USP36: variants seen among roughly 807,000 people sequenced by gnomAD.
The protein encoded by USP36 is ubiquitin specific peptidase 36.
In USP36, 59 loss-of-function variants were observed where a neutral mutation model predicts 111.5. The observed-to-expected ratio is 0.53, with a 90% confidence interval of 0.43 to 0.66. The LOEUF is 0.66. Ranked by LOEUF, USP36 falls within the 30% of genes least tolerant of loss-of-function variation. The pLI is 0.00. For synonymous variants in USP36, 628 were observed against 581.0 expected (o/e 1.08, Z -1.16); for missense variants, 1,488 against 1,468.0 (o/e 1.01, Z -0.22).
At chr17:78,802,194 G>A (rs1598978702) in intron 17 of USP36, 130 bp downstream of exon 17, 4 of 714,882 alleles carry the variant, frequency 5.6e-6, no homozygotes, top group Non-Finnish European at 5.5e-6. Flanking sequence ...ACACCCACGC[G>A]GTCCAACCCC....
intron 12 of USP36, 66 bp downstream of exon 12, chr17:78,813,707 A>G: frequency 6.9e-7 from 1 of 1,444,078 alleles, no homozygotes; most frequent in Non-Finnish European, 9.6e-7. Context: ...AAGGTTAGGG[A>G]GGCCCACCGG....
At chr17:78,840,074 C>G (rs925460689) in intron 1 of USP36, among the ~76,000 whole-genome samples, 4 of 152,312 alleles carry the variant, frequency 2.6e-5, no homozygotes, top group African/African-American at 7.2e-5. Context: ...GCCTCCCGGG[C>G]GACTCCGCAG....
rs143666818 is a variant in USP36 at position 78,807,085 on chromosome 17, C to T, written c.1959G>A (p.Thr653=). ...TCTTAGAATCTGCTCCACTTGGCGG[C>T]GTTTTGGAGTGGCCAGCGGTGGAAC... ...TNCSTAGHSK[T]PPSGADSKTV... Residue 653 remains threonine (T), a synonymous_variant, in exon 14 of 21, where the codon ACG becomes ACA. Coordinates refer to ENST00000449938, the MANE Select transcript of USP36 (RefSeq NM_001385174.1). 476 of 1,614,074 alleles carry T rather than the reference C, an allele frequency of 2.9e-4. No homozygotes were observed. The highest frequency in any genetic ancestry group is 3.8e-4 in the Non-Finnish European group (445 of 1,180,046).
chr17:78,808,411 C>T (rs563719619), intron 13 of USP36, among the ~76,000 whole-genome samples: 3 of 152,224 alleles, frequency 2.0e-5, no homozygotes, highest in South Asian at 4.2e-4. Context: ...CCACCACACC[C>T]GAATAATTAT....
At chr17:78,829,068 G>A (rs548754989) in intron 4 of USP36, 61 bp from the exon 5 acceptor site, 68 of 1,443,838 alleles carry the variant, frequency 4.7e-5, no homozygotes, top group Admixed American at 1.5e-4. Flanking sequence ...TCACGGTGAG[G>A]CCCCCACCCC....
rs774617830 is a variant in USP36, at chr17:78,803,456, C to T, written c.2739G>A (p.Arg913=). The T allele has an allele frequency of 6.2e-7, 1 of 1,614,178 alleles. No homozygotes were observed. Among genetic ancestry groups the T allele is most frequent in the South Asian group, 1.1e-5 (1 of 91,080 alleles). ...CVTDGHHASS[R]KRRRKGAEGL... ...CTTCTGCTCCTTTCCTCCTCCGCTT[C>T]CTGCTGCTCGCGTGGTGGCCGTCCG... The change falls in exon 16 of 21, where the codon AGG becomes AGA. Residue 913 remains arginine (R), a synonymous_variant. Transcript: ENST00000449938. The surrounding 1 kb of genome is among the most constrained non-coding windows in gnomAD (Gnocchi z 4.6).
Position 78,803,951 on chromosome 17 carries a change from GGAT to G in USP36, c.2241_2243del (p.Ser749del). ...GGCTGAAGGGGGGTTGCAGGCGGCT[GGAT>G]GATTGGGGAGCAGGTGACACAGCCC... On this transcript the variant is annotated inframe_deletion, in exon 16 of 21. Transcript: ENST00000449938. The surrounding 1 kb of genome is among the most constrained non-coding windows in gnomAD (Gnocchi z 4.6). The G allele has an allele frequency of 6.2e-7, 1 of 1,600,594 alleles. No homozygotes were observed. The highest frequency in any genetic ancestry group is 8.5e-7 in the Non-Finnish European group (1 of 1,176,768).
At chr17:78,814,302 C>T (rs1037396588) in intron 11 of USP36, 110 bp downstream of exon 11, 1 of 1,453,134 alleles carries the variant, frequency 6.9e-7, no homozygotes. Flanking sequence ...AATACAACCA[C>T]AAAACATCAC....
At chr17:78,824,945 G>A (rs978712970) in intron 6 of USP36, among the ~76,000 whole-genome samples, 1 of 152,170 alleles carries the variant, frequency 6.6e-6, no homozygotes, top group Non-Finnish European at 1.5e-5. Flanking sequence ...AATGCTAAAA[G>A]CAACGATCCT....
In USP36 at chr17:78,803,632, T is replaced by C; in HGVS notation, c.2563A>G (p.Thr855Ala). 6.2e-7 allele frequency: 1 copy of C among 1,611,428 alleles called. No individual in the cohort carries two copies. The highest frequency in any genetic ancestry group is 8.5e-7 in the Non-Finnish European group (1 of 1,179,186). ...KRKKKKRPEDTAASALQEGQT... is the reference protein window; with the variant it reads ...KRKKKKRPEDAAASALQEGQT... ...CCCTCCTGCAGGGCGCTGGCAGCTG[T>C]GTCCTCCGGGCGCTTCTTCTTCTTC... is the stretch of plus-strand genomic sequence containing the variant. Residue 855 changes from threonine to alanine, a missense_variant, in exon 16 of 21, where the codon ACA (threonine) becomes GCA (alanine). By Grantham distance (58) the Thr-to-Ala change is moderately conservative (BLOSUM62 0). Transcript: ENST00000449938. The surrounding 1 kb of genome is among the most constrained non-coding windows in gnomAD (Gnocchi z 4.6).
chr17:78,800,604 C>G (rs1010125171), intron 17 of USP36, among the ~76,000 whole-genome samples: 1 of 152,230 alleles, frequency 6.6e-6, no homozygotes, highest in East Asian at 1.9e-4. Context: ...TCCATGGTTC[C>G]CATCTCATCC....
Position 78,806,275 on chromosome 17 carries a change from C to G in USP36, c.2097G>C (p.Leu699=). The G allele has an allele frequency of 3.1e-6, 5 of 1,613,802 alleles. No homozygotes were observed. Among genetic ancestry groups the G allele is most frequent in the Non-Finnish European group, 3.4e-6 (4 of 1,179,988 alleles). The change falls in exon 15 of 21, where the codon CTG becomes CTC. Residue 699 remains leucine, a synonymous_variant. Coordinates refer to ENST00000449938, the MANE Select transcript of USP36 (RefSeq NM_001385174.1). ...LALSAKKAST[L]WRATGNDLRP... is the part of the protein sequence containing the mutation. ...GGAGGTCATTGCCGGTCGCCCTCCA[C>G]AGGGTGCTGGCCTGCAGTTATCGAC...
In USP36 at chr17:78,807,483, T is replaced by C. The variant is rs2093938693; in HGVS notation, c.1561A>G (p.Thr521Ala). Residue 521 changes from threonine to alanine, a missense_variant, in exon 14 of 21, where the codon ACA becomes GCA. Coordinates refer to ENST00000449938, the MANE Select transcript of USP36 (RefSeq NM_001385174.1). ...SGSPSPKLSQTPTHMPTILDD... is the reference protein window; with the variant it reads ...SGSPSPKLSQAPTHMPTILDD... The stretch of plus-strand genomic sequence containing the variant: ...AGGATGGTTGGCATGTGTGTGGGTG[T>C]CTGGGAGAGTTTGGGGGAAGGGGAC... The C allele has an allele frequency of 3.1e-6, 5 of 1,613,806 alleles. No homozygotes were observed. Among genetic ancestry groups the C allele is most frequent in the Non-Finnish European group, 4.2e-6 (5 of 1,179,924 alleles).
At chr17:78,834,155 G>A (rs1038002605) in intron 4 of USP36, among the ~76,000 whole-genome samples, 11 of 151,756 alleles carry the variant, frequency 7.2e-5, no homozygotes, top group African/African-American at 2.7e-4. Context: ...GCTGAGACAG[G>A]AGAATTGCTT....
At chr17:78,840,231 C>T (rs1449951915) in intron 1 of USP36, 2 of 152,488 alleles carry the variant, frequency 1.3e-5, no homozygotes. Flanking sequence ...AGCCCCAGGC[C>T]CAGGACCCCC....
rs1168251403 is a variant in USP36, at chr17:78,803,352, G to T, written c.2810+33C>A. ...TGGTTTTGCTTTGTTTCTCGTCAGA[G>T]GTAGACAGATGCCACTTTGCTCCTG... On this transcript the variant is annotated intron_variant, in intron 16 of 20. Transcript: ENST00000449938. This position sits in a 1 kb window ranked among gnomAD's most constrained non-coding sequence, Gnocchi z 4.6. 1 of 1,593,766 alleles carries T rather than the reference G, an allele frequency of 6.3e-7. No individual in the cohort carries two copies. The highest frequency in any genetic ancestry group is 8.6e-7 in the Non-Finnish European group (1 of 1,166,386).
chr17:78,788,245 A>C (rs1343629033), intron 3 of USP36, among the ~76,000 whole-genome samples: 1 of 151,810 alleles, frequency 6.6e-6, no homozygotes. Flanking sequence ...GCTCACTGCA[A>C]CCTCCGCCTC....
intron 13 of USP36, among the ~76,000 whole-genome samples, chr17:78,807,973 G>A (rs1230306123): frequency 6.6e-6 from 1 of 152,104 alleles, no homozygotes; most frequent in African/African-American, 2.4e-5. Context: ...AGAAGTGTTG[G>A]GATTACAGGT....
At chr17:78,793,027 C>A (rs151110666), downstream of USP36, among the ~76,000 whole-genome samples, 158 of 151,994 alleles carry the variant, frequency 1.0e-3, 1 homozygote, top group African/African-American at 3.7e-3. Flanking sequence ...CCTCACCCCC[C>A]CAGGAAGGCT....
Sources: gnomAD v4.1 joint callset for allele counts (sites outside exome capture counted in the v4.1 genomes callset) on GRCh38, gnomAD v4.1.1 for gene constraint, Gnocchi (gnomAD v3.1) non-coding constraint, MANE v1.5 for transcripts, NCBI Gene and HGNC (gene_info 2026-07-23, HGNC 2026-07-21) for gene names.